Variants in NT5C3A observed in about 807,000 individuals in gnomAD.
NT5C3A encodes cytosolic 5'-nucleotidase 3A.
A neutral mutation model predicts 40.0 loss-of-function variants in NT5C3A; 23 were observed. The ratio of observed to expected loss-of-function variants is 0.58; its 90% CI spans 0.41 to 0.81. NT5C3A has a LOEUF of 0.81. Ranked by LOEUF, NT5C3A falls within the 40% of genes least tolerant of loss-of-function variation. The pLI is 0.00. For synonymous variants in NT5C3A, 130 were observed against 141.4 expected, an observed-to-expected ratio of 0.92 and a Z score of 0.57; for missense variants, 328 against 403.0, an observed-to-expected ratio of 0.81 and a Z score of 1.59.
chr7:33,031,583 T>C (rs770554754), intron 1 of NT5C3A, among the ~76,000 whole-genome samples: 38 of 151,544 alleles, frequency 2.5e-4, no homozygotes, highest in Non-Finnish European at 4.6e-4. Context: ...TGAGACCCTG[T>C]CTCAAAAAAA....
intron 1 of NT5C3A, among the ~76,000 whole-genome samples, chr7:33,061,968 A>G (rs1216718871): frequency 2.0e-5 from 3 of 152,246 alleles, no homozygotes; most frequent in African/African-American, 7.2e-5. Context: ...AGATGAAAAC[A>G]AAGATATTTC....
At chr7:33,048,855 A>C (rs1787255955) in intron 1 of NT5C3A, among the ~76,000 whole-genome samples, 1 of 152,138 alleles carries the variant, frequency 6.6e-6, no homozygotes, top group Non-Finnish European at 1.5e-5. Context: ...ATCACCAAAC[A>C]TTCTGCTATC....
intron 5 of NT5C3A, among the ~76,000 whole-genome samples, chr7:33,020,598 T>TA (rs1317032061): frequency 1.3e-5 from 2 of 152,196 alleles, no homozygotes; most frequent in Non-Finnish European, 2.9e-5. Context: ...ATGCAACTGT[T>TA]ACGTAACGGG....
intron 1 of NT5C3A, chr7:33,029,563 TATC>T: frequency 1.2e-6 from 1 of 804,644 alleles, no homozygotes; most frequent in Non-Finnish European, 1.8e-6. Flanking sequence ...ACAGGATATA[TATC>T]ATAGACTATT....
chr7:33,039,511 A>G (rs1384458953), intron 1 of NT5C3A, among the ~76,000 whole-genome samples: 1 of 126,458 alleles, frequency 7.9e-6, no homozygotes, highest in African/African-American at 3.0e-5. Context: ...AATTTTTCCT[A>G]TACTTTTTCA....
intron 1 of NT5C3A, among the ~76,000 whole-genome samples, chr7:33,054,348 T>C (rs770249387): frequency 9.2e-6 from 1 of 108,136 alleles, no homozygotes; most frequent in African/African-American, 4.4e-5. Flanking sequence ...AGTAAGACCC[T>C]GCCTCAAAAA....
chr7:33,040,427 C>T (rs1272038583), intron 1 of NT5C3A, among the ~76,000 whole-genome samples: 2 of 152,142 alleles, frequency 1.3e-5, no homozygotes, highest in African/African-American at 4.8e-5. Context: ...GTAAAGCTCA[C>T]ATGCACAAAA....
chr7:33,045,593 G>A (rs1053445041), intron 1 of NT5C3A, among the ~76,000 whole-genome samples: 3 of 151,746 alleles, frequency 2.0e-5, no homozygotes, highest in Non-Finnish European at 4.4e-5. Flanking sequence ...CCGAGTAGCT[G>A]GGACTACAGG....
chr7:33,022,158 C>T, intron 3 of NT5C3A, 59 bp from the exon 4 acceptor site: 2 of 903,612 alleles, frequency 2.2e-6, no homozygotes, highest in South Asian at 2.7e-5. Context: ...GCTACCACTA[C>T]TATGAATAAT....
At chr7:33,042,238 G>C (rs1388071858) in intron 1 of NT5C3A, among the ~76,000 whole-genome samples, 1 of 151,956 alleles carries the variant, frequency 6.6e-6, no homozygotes, top group Non-Finnish European at 1.5e-5. Flanking sequence ...CTCAGGGTAG[G>C]AGAATCACTT....
intron 1 of NT5C3A, among the ~76,000 whole-genome samples, chr7:33,060,369 CTTTTTTTTTT>C (rs3082829): frequency 1.3e-5 from 1 of 78,474 alleles, no homozygotes; most frequent in African/African-American, 5.5e-5. Context: ...TGCTTTCCTT[CTTTTTTTTTT>C]TTTTTTTTTT....
At chr7:33,034,060 T>G (rs1220179299) in intron 1 of NT5C3A, among the ~76,000 whole-genome samples, 1 of 151,526 alleles carries the variant, frequency 6.6e-6, no homozygotes, top group African/African-American at 2.4e-5. Context: ...CTGGATAATT[T>G]TTTTGTATTT....
chr7:33,038,528 A>G (rs2128007778), intron 1 of NT5C3A, among the ~76,000 whole-genome samples: 1 of 151,560 alleles, frequency 6.6e-6, no homozygotes, highest in East Asian at 1.9e-4. Flanking sequence ...GTATACCAAC[A>G]ATTCATGAAT....
At chr7:33,039,110 G>C (rs1786768087) in intron 1 of NT5C3A, among the ~76,000 whole-genome samples, 1 of 152,088 alleles carries the variant, frequency 6.6e-6, no homozygotes, top group Admixed American at 6.6e-5. Flanking sequence ...CAAGAGGTAA[G>C]AACTTCACTT....
At chr7:33,060,971 C>T (rs1787752403) in intron 1 of NT5C3A, among the ~76,000 whole-genome samples, 1 of 152,148 alleles carries the variant, frequency 6.6e-6, no homozygotes, top group Non-Finnish European at 1.5e-5. Context: ...TGACTGATTT[C>T]TTTAGTACCA....
chr7:33,051,286 C>T (rs1196250465), intron 1 of NT5C3A, among the ~76,000 whole-genome samples: 1 of 152,056 alleles, frequency 6.6e-6, no homozygotes, highest in Non-Finnish European at 1.5e-5. Context: ...GCCTCAGCCT[C>T]TTGGGTAGCA....
intron 1 of NT5C3A, among the ~76,000 whole-genome samples, 162 bp downstream of exon 1, chr7:33,062,405 TC>T (rs1462793687): frequency 2.0e-5 from 3 of 151,748 alleles, no homozygotes; most frequent in Non-Finnish European, 4.4e-5. Flanking sequence ...GGCGGCCGGG[TC>T]CCCCAAGCTG....
At position 33,062,558 on chromosome 7, in the gene NT5C3A, C is replaced by T; in HGVS notation, c.138+10G>A. 1 of 1,609,190 alleles carries T rather than the reference C, an allele frequency of 6.2e-7. No homozygotes were observed. Among genetic ancestry groups the T allele is most frequent in the Non-Finnish European group, 8.5e-7 (1 of 1,178,308 alleles). On this transcript the variant is annotated intron_variant, in intron 1 of 8. Coordinates refer to ENST00000610140, the MANE Select transcript of NT5C3A (RefSeq NM_001002010.5). ...CGCGTGCTCTGGGCGCGCCGAGCCT[C>T]CACACTCACCATCTCGATGATCTTG...
chr7:33,016,487 G>C (rs976958371), intron 7 of NT5C3A, among the ~76,000 whole-genome samples: 3 of 150,618 alleles, frequency 2.0e-5, no homozygotes, highest in African/African-American at 4.9e-5. Flanking sequence ...TGACCAACAT[G>C]GTGAAACCCT....
Sources: allele counts gnomAD v4.1 joint callset (sites outside exome capture counted in the v4.1 genomes callset), GRCh38; gene constraint gnomAD v4.1.1; transcripts MANE v1.5; gene names NCBI Gene and HGNC (gene_info 2026-07-23, HGNC 2026-07-21).